Variants in ANTXR2 observed in about 807,000 individuals in gnomAD.
ANTXR2 encodes anthrax toxin receptor 2.
A neutral mutation model predicts 73.7 loss-of-function variants in ANTXR2; 44 were observed. The observed-to-expected ratio is 0.60, with a 90% CI of 0.47 to 0.77. The LOEUF (loss-of-function observed/expected upper bound fraction) is 0.77. Ranked by LOEUF, ANTXR2 falls within the 30% of genes least tolerant of loss-of-function variation. ANTXR2 has a pLI of 0.00. For synonymous variants in ANTXR2, 217 were observed against 205.9 expected (o/e 1.05, Z -0.46); for missense variants, 604 against 592.5 (o/e 1.02, Z -0.20).
intron 14 of ANTXR2, among the ~76,000 whole-genome samples, chr4:79,978,573 G>T (rs185818091): frequency 6.6e-6 from 1 of 152,280 alleles, no homozygotes; most frequent in Admixed American, 6.5e-5. Flanking sequence ...AGAAATATAT[G>T]AAAATGACGA....
chr4:79,923,135 T>C (rs1336750584), intron 16 of ANTXR2, among the ~76,000 whole-genome samples: 2 of 152,060 alleles, frequency 1.3e-5, no homozygotes, highest in Admixed American at 1.3e-4. Flanking sequence ...GCTTGAAATA[T>C]TAAATTTGAT....
intron 16 of ANTXR2, among the ~76,000 whole-genome samples, chr4:79,936,887 T>A (rs1289797766): frequency 6.6e-6 from 1 of 152,116 alleles, no homozygotes; most frequent in Non-Finnish European, 1.5e-5. Context: ...ACCACTGTAC[T>A]AACCAATGGT....
chr4:79,973,204 C>G (rs1294473284), intron 16 of ANTXR2, among the ~76,000 whole-genome samples: 3 of 152,148 alleles, frequency 2.0e-5, no homozygotes, highest in African/African-American at 7.2e-5. Flanking sequence ...ATACTGTAAA[C>G]TTATAAAAAA....
chr4:79,923,676 C>T (rs1445664492), intron 16 of ANTXR2, among the ~76,000 whole-genome samples: 1 of 152,060 alleles, frequency 6.6e-6, no homozygotes, highest in African/African-American at 2.4e-5. Flanking sequence ...CAAAAGTGGT[C>T]ATTAACACAT....
intron 10 of ANTXR2, among the ~76,000 whole-genome samples, chr4:80,021,643 G>T (rs1732169018): frequency 6.6e-6 from 1 of 152,066 alleles, no homozygotes; most frequent in Non-Finnish European, 1.5e-5. Flanking sequence ...GAGAACAGAA[G>T]ATGTCATTTT....
At chr4:79,955,931 T>A in intron 16 of ANTXR2, among the ~76,000 whole-genome samples, 1 of 152,118 alleles carries the variant, frequency 6.6e-6, no homozygotes, top group Non-Finnish European at 1.5e-5. Flanking sequence ...CAGCTGCCAA[T>A]CTCTTGCTAC....
chr4:79,959,506 C>T (rs762404530), intron 16 of ANTXR2, among the ~76,000 whole-genome samples: 7 of 151,970 alleles, frequency 4.6e-5, no homozygotes, highest in South Asian at 4.2e-4. Flanking sequence ...AATTCTGTTC[C>T]TCAAATCAAT....
At chr4:79,983,726 T>C (rs908547156) in intron 14 of ANTXR2, among the ~76,000 whole-genome samples, 152 bp downstream of exon 14, 1 of 151,700 alleles carries the variant, frequency 6.6e-6, no homozygotes, top group East Asian at 1.9e-4. Context: ...GATGATTCCA[T>C]AGAAAAAAAA....
intron 16 of ANTXR2, among the ~76,000 whole-genome samples, chr4:79,907,833 G>C (rs1726979949): frequency 6.6e-6 from 1 of 152,104 alleles, no homozygotes. Flanking sequence ...TATGCAAGCT[G>C]ATGCTCCTAA....
chr4:79,964,604 G>C (rs1355433436), intron 16 of ANTXR2: 2 of 152,272 alleles, frequency 1.3e-5, no homozygotes, highest in Non-Finnish European at 2.9e-5. Flanking sequence ...AACTACATTA[G>C]ATCTCTTATT....
intron 7 of ANTXR2, among the ~76,000 whole-genome samples, chr4:80,039,273 A>G (rs1733122862): frequency 6.6e-6 from 1 of 152,124 alleles, no homozygotes; most frequent in African/African-American, 2.4e-5. Flanking sequence ...AGAAAATAAA[A>G]TTTGTTCTAA....
At position 79,978,285 on chromosome 4, in the gene ANTXR2, A is replaced by T. The variant is rs540250587; in HGVS notation, c.1180-111T>A. 7 of 1,028,758 alleles carry T rather than the reference A, an allele frequency of 6.8e-6. No individual in the cohort carries two copies. In the South Asian group the frequency reaches 2.1e-4, roughly 31 times the overall value. 63.7% of individuals were successfully genotyped at this position (1,028,758 alleles called of 1,614,324 possible). A position where few individuals can be genotyped will look rare whatever the true frequency, so the allele number is the denominator to read the frequency against. ...ACATCTCAGAGTGAAAAAGAAGATGAGCAGGTATCCTAATTCCTAATTTCT... is the reference window on the plus strand; with the variant it reads ...ACATCTCAGAGTGAAAAAGAAGATGTGCAGGTATCCTAATTCCTAATTTCT... On this transcript the variant is annotated intron_variant, in intron 14 of 16. Transcript: ENST00000403729.
rs145501924 is a variant in ANTXR2 at position 79,996,335 on chromosome 4, A to G, written c.1042-11472T>C. Among the ~76,000 whole-genome samples, 1,234 of 151,636 alleles carry G rather than the reference A, an allele frequency of 8.1e-3. 18 individuals are homozygous for G. Among genetic ancestry groups the G allele is most frequent in the African/African-American group, 0.029 (1,194 of 41,416 alleles). ...GATGGATATATGGATGGATGGATGG[A>G]TGGATGGATGGATGGATGGATGAAT... On this transcript the variant is annotated intron_variant, in intron 12 of 16. Coordinates refer to ENST00000403729, the MANE Select transcript of ANTXR2 (RefSeq NM_058172.6).
Position 80,055,979 on chromosome 4 carries a change from G to A in ANTXR2, c.331C>T (p.Arg111Cys), listed in dbSNP as rs61741646. The change falls in exon 4 of 17, where the codon CGT becomes TGT. Residue 111 changes from arginine (R) to cysteine (C), a missense_variant. Physicochemically the swap from Arg to Cys is radical, Grantham distance 180 (BLOSUM62 -3). Coordinates refer to ENST00000403729, the MANE Select transcript of ANTXR2 (RefSeq NM_058172.6). The part of the protein sequence containing the change: ...KISKGLEDLK[R>C]VSPVGETYIH... ...TATGTCTCTCCTACTGGACTAACACGTTTTAAATCCTCCAAGCCTTTACTG... is the reference window on the plus strand; with the variant it reads ...TATGTCTCTCCTACTGGACTAACACATTTTAAATCCTCCAAGCCTTTACTG... 3,085 of 1,569,198 alleles carry A rather than the reference G, an allele frequency of 2.0e-3. 53 individuals are homozygous for A. The African/African-American group carries it at 0.036, about 18-fold the overall frequency.
chr4:79,915,162 G>T (rs1727295353), intron 16 of ANTXR2, among the ~76,000 whole-genome samples: 2 of 152,196 alleles, frequency 1.3e-5, no homozygotes, highest in Non-Finnish European at 1.5e-5. Flanking sequence ...ATGCCCTGAA[G>T]AAAAATGTCT....
chr4:79,919,614 C>T (rs1225127268), intron 16 of ANTXR2, among the ~76,000 whole-genome samples: 1 of 151,810 alleles, frequency 6.6e-6, no homozygotes, highest in African/African-American at 2.4e-5. Flanking sequence ...TTCCTGCCCT[C>T]GAACATCAGA....
In ANTXR2 at chr4:80,032,897, C is replaced by T. The variant is rs141551651; in HGVS notation, c.796+575G>A. On this transcript the variant is annotated intron_variant, in intron 9 of 16. Coordinates refer to ENST00000403729, the MANE Select transcript of ANTXR2 (RefSeq NM_058172.6). ...TAAATACGAAAATTATCAACCAAAA[C>T]TATGCTGGGTGAGAATTTGAGATGC... 1.3e-4 allele frequency among the ~76,000 whole-genome samples: 19 copies of T among 151,358 alleles called. No homozygotes were observed. In the East Asian group the frequency reaches 2.9e-3, roughly 23 times the overall value.
At chr4:80,057,590 A>G (rs1451987273) in intron 3 of ANTXR2, among the ~76,000 whole-genome samples, 2 of 151,828 alleles carry the variant, frequency 1.3e-5, no homozygotes, top group African/African-American at 4.8e-5. Context: ...TTGTCTTTTT[A>G]AATATTTGGT....
intron 11 of ANTXR2, among the ~76,000 whole-genome samples, chr4:80,014,903 C>G (rs187174304): frequency 6.6e-6 from 1 of 152,152 alleles, no homozygotes; most frequent in African/African-American, 2.4e-5. Context: ...TTCCCACCAC[C>G]CTAGCTTTGA....
Sources: gnomAD v4.1 joint callset for allele counts (sites outside exome capture counted in the v4.1 genomes callset) on GRCh38, gnomAD v4.1.1 for gene constraint, MANE v1.5 for transcripts, NCBI Gene and HGNC (gene_info 2026-07-23, HGNC 2026-07-21) for gene names.